The following ADAMTS17 variants were observed in gnomAD, a reference collection of about 807,000 sequenced individuals.
ADAMTS17 encodes the protein A disintegrin and metalloproteinase with thrombospondin motifs 17.
A neutral mutation model predicts 141.5 loss-of-function variants in ADAMTS17; 113 were observed. That is an observed-to-expected ratio of 0.80 (90% CI 0.69 to 0.93). ADAMTS17 has a LOEUF of 0.93. Among genes scored for constraint, ADAMTS17 ranks in the 40% least tolerant of loss-of-function variants. ADAMTS17 has a pLI of 0.00. For synonymous variants in ADAMTS17, 768 were observed against 630.6 expected (o/e 1.22, Z -3.27); for missense variants, 1,659 against 1,517.9 (o/e 1.09, Z -1.54).
At chr15:100,265,379 C>A (rs777418414) in intron 4 of ADAMTS17, among the ~76,000 whole-genome samples, 79 of 152,346 alleles carry the variant, frequency 5.2e-4, no homozygotes, top group Non-Finnish European at 4.9e-4. Flanking sequence ...TTTAGGGAGA[C>A]ACCTGGTTGG....
intron 18 of ADAMTS17, among the ~76,000 whole-genome samples, chr15:100,007,732 G>A (rs1369316195): frequency 2.6e-5 from 4 of 152,236 alleles, no homozygotes; most frequent in East Asian, 3.9e-4. Flanking sequence ...TTTAGAGGCC[G>A]GGTTGAGGGG....
At chr15:99,976,678 C>T (rs571197067) in intron 20 of ADAMTS17, 14 of 250,924 alleles carry the variant, frequency 5.6e-5, no homozygotes, top group East Asian at 3.3e-4. Flanking sequence ...GAAAGAGACC[C>T]GAGCTTGCTG....
chr15:100,184,123 CT>C (rs942241337), intron 8 of ADAMTS17, among the ~76,000 whole-genome samples: 3 of 152,184 alleles, frequency 2.0e-5, no homozygotes, highest in African/African-American at 7.2e-5. Context: ...CTGGGGTTTG[CT>C]GCTGCTGCAG....
intron 15 of ADAMTS17, among the ~76,000 whole-genome samples, chr15:100,074,644 T>C (rs2034238433): frequency 6.6e-6 from 1 of 152,104 alleles, no homozygotes; most frequent in Non-Finnish European, 1.5e-5. Flanking sequence ...ATTTAGAACT[T>C]TTGCAAAATT....
rs1194193832 is a variant in ADAMTS17, at chr15:100,341,887, C to A, written c.13G>T (p.Ala5Ser). 1.2e-5 allele frequency: 18 copies of A among 1,550,844 alleles called. No homozygotes were observed. In the East Asian group the frequency reaches 4.4e-4, roughly 38 times the overall value. The stretch of plus-strand genomic sequence containing the variant: ...GGCAGGACGAGCGGAGGCAGCAGGG[C>A]GCCGTCACACATGGTACCCGGGACC... MCDG[A>S]LLPPLVLPVL... Residue 5 changes from alanine (A) to serine (S), a missense_variant, in exon 1 of 22, where the codon GCC (alanine) becomes TCC (serine). Ala to Ser is a moderately conservative substitution (Grantham distance 99). Coordinates refer to ENST00000268070, the MANE Select transcript of ADAMTS17 (RefSeq NM_139057.4).
In ADAMTS17 at chr15:100,338,459, C is replaced by T. The variant is rs541736732; in HGVS notation, c.450+2580G>A. Among the ~76,000 whole-genome samples the T allele has an allele frequency of 8.3e-4, 127 of 152,328 alleles. 1 individual carries two copies. Among genetic ancestry groups the T allele is most frequent in the South Asian group, 3.9e-3 (19 of 4,828 alleles). On this transcript the variant is annotated intron_variant, in intron 2 of 21. Transcript: ENST00000268070. The stretch of plus-strand genomic sequence containing the variant: ...TACCAGCAATTAACATGATACTCAA[C>T]ATCCGGAACGAAGTTTTGTTGAACG...
chr15:100,116,991 A>G lies in ADAMTS17; in HGVS notation c.1744T>C (p.Cys582Arg). The G allele has an allele frequency of 6.2e-7, 1 of 1,613,100 alleles. No individual in the cohort carries two copies. ...GCATGTTCTACACTGGCACCCGGGC[A>G]GTGTGTGCCTCCAGGCCCAGGGCTA... is the stretch of plus-strand genomic sequence containing the variant. ...NPPPGPGGTH[C>R]PGASVEHAVC... Residue 582 changes from cysteine (C) to arginine (R), a missense_variant, in exon 13 of 22, where the codon TGC becomes CGC. Coordinates refer to ENST00000268070, the MANE Select transcript of ADAMTS17 (RefSeq NM_139057.4).
rs574035208 is a variant in ADAMTS17, at chr15:100,217,320, T to G, written c.1076-17897A>C. On this transcript the variant is annotated intron_variant, in intron 7 of 21. Transcript: ENST00000268070. ...TCAGAGGGGATCACAGACCTAAACG[T>G]AAGACTGAAAATATAAAACTCTTAG... Among the ~76,000 whole-genome samples, 248 of 152,290 alleles carry G rather than the reference T, an allele frequency of 1.6e-3. 7 individuals are homozygous for G. In the South Asian group the frequency reaches 0.044, roughly 27 times the overall value.
intron 20 of ADAMTS17, among the ~76,000 whole-genome samples, chr15:99,984,560 C>T (rs542681323): frequency 5.3e-5 from 8 of 152,304 alleles, no homozygotes; most frequent in African/African-American, 1.9e-4. Flanking sequence ...TGATCAAAAG[C>T]CCCTACTGGG....
intron 14 of ADAMTS17, among the ~76,000 whole-genome samples, chr15:100,101,451 G>A (rs1056478476): frequency 3.3e-5 from 5 of 152,192 alleles, no homozygotes; most frequent in Non-Finnish European, 5.9e-5. Flanking sequence ...AGGAATAAAC[G>A]AAATTCCACC....
chr15:100,072,909 GA>G (rs1371626937), intron 15 of ADAMTS17, among the ~76,000 whole-genome samples: 2 of 152,080 alleles, frequency 1.3e-5, no homozygotes, highest in African/African-American at 4.8e-5. Flanking sequence ...TGACAAATGG[GA>G]CAAAATTGAC....
rs187035332 is a variant in ADAMTS17 at position 99,973,710 on chromosome 15, C to G, written c.*692G>C. The G allele has an allele frequency of 1.4e-3, 224 of 156,560 alleles. 2 individuals carry two copies. The South Asian group carries it at 0.033, about 23-fold the overall frequency. 9.7% of individuals were successfully genotyped at this position (156,560 alleles called of 1,614,324 possible). A position where few individuals can be genotyped will look rare whatever the true frequency, so the allele number is the denominator to read the frequency against. ...AGATGCTTCCCCAAACCCAGACTCT[C>G]TTGGAACATTCTTCCCATGCGGGTG... On this transcript the variant is annotated 3_prime_UTR_variant, in exon 22 of 22. Coordinates refer to ENST00000268070, the MANE Select transcript of ADAMTS17 (RefSeq NM_139057.4).
intron 8 of ADAMTS17, among the ~76,000 whole-genome samples, chr15:100,184,709 C>T (rs897957522): frequency 3.3e-5 from 5 of 152,130 alleles, no homozygotes; most frequent in African/African-American, 9.7e-5. Flanking sequence ...CTGGGAACTC[C>T]GCTCCTGTGT....
intron 3 of ADAMTS17, among the ~76,000 whole-genome samples, chr15:100,301,680 C>T (rs1161475514): frequency 6.6e-6 from 1 of 152,050 alleles, no homozygotes; most frequent in Non-Finnish European, 1.5e-5. Flanking sequence ...ATTGGGTAGG[C>T]TATTCTACTA....
intron 7 of ADAMTS17, among the ~76,000 whole-genome samples, chr15:100,251,338 C>T (rs921338411): frequency 6.6e-6 from 1 of 152,188 alleles, no homozygotes; most frequent in African/African-American, 2.4e-5. Flanking sequence ...ATCAAATGAG[C>T]GGTGCTATGG....
intron 13 of ADAMTS17, among the ~76,000 whole-genome samples, chr15:100,113,555 G>A (rs1052897819): frequency 3.9e-5 from 6 of 152,208 alleles, no homozygotes; most frequent in African/African-American, 1.4e-4. Context: ...AAGGATCTGG[G>A]TAAAGGATGT....
rs146455218 is a variant in ADAMTS17 at position 100,201,785 on chromosome 15, G to T, written c.1076-2362C>A. Among the ~76,000 whole-genome samples, 767 of 152,292 alleles carry T rather than the reference G, an allele frequency of 5.0e-3. 7 individuals carry two copies. The highest frequency in any genetic ancestry group is 0.017 in the African/African-American group (705 of 41,566). ...AAAAAAACAACACGACAACCAGAAA[G>T]GATGTGATGTGGTTTCTCGGTGCCT... On this transcript the variant is annotated intron_variant, in intron 7 of 21. Coordinates refer to ENST00000268070, the MANE Select transcript of ADAMTS17 (RefSeq NM_139057.4).
chr15:100,032,793 C>T (rs2727179), intron 18 of ADAMTS17, among the ~76,000 whole-genome samples: 15,933 of 152,174 alleles, frequency 0.1, 2,192 homozygotes, highest in African/African-American at 0.32. Context: ...AATGACTAAG[C>T]GTCTCGAAGT....
In ADAMTS17 at chr15:100,155,177, T is replaced by C. The variant is rs1330183561; in HGVS notation, c.1322+3A>G. On this transcript the variant is annotated splice_donor_region_variant and intron_variant, in intron 9 of 21. Transcript: ENST00000268070. ...CATCCTATAGAATAATTCCAGGACT[T>C]ACTTGAGGAAGTTTTCAAGGTCATC... 6.2e-7 allele frequency: 1 copy of C among 1,614,220 alleles called. No individual in the cohort carries two copies. Among genetic ancestry groups the C allele is most frequent in the Admixed American group, 1.7e-5 (1 of 60,032 alleles).
Sources: gnomAD v4.1 joint callset for allele counts (sites outside exome capture counted in the v4.1 genomes callset) on GRCh38, gnomAD v4.1.1 for gene constraint, MANE v1.5 for transcripts, NCBI Gene and HGNC (gene_info 2026-07-23, HGNC 2026-07-21) for gene names.